Variants in RLF observed in about 807,000 individuals in gnomAD.
The protein encoded by RLF is zinc finger protein Rlf.
A neutral mutation model predicts 162.9 loss-of-function variants in RLF; 7 were observed. The ratio of observed to expected loss-of-function variants is 0.04; its 90% CI spans 0.02 to 0.08. The LOEUF is 0.08. RLF is among the 10% of genes least tolerant of loss of function. The probability of loss-of-function intolerance (pLI) is 1.00; values close to 1 mark genes in which losing one functional copy is unlikely to be tolerated. For missense variants in RLF, 1,664 were observed against 2,244.7 expected (o/e 0.74, Z 5.23); for synonymous variants, 782 against 791.5 (o/e 0.99, Z 0.20).
At chr1:40,172,582 C>G (rs1334773146) in intron 1 of RLF, among the ~76,000 whole-genome samples, 3 of 152,062 alleles carry the variant, frequency 2.0e-5, no homozygotes, top group African/African-American at 7.2e-5. Flanking sequence ...GTCAGGAGTT[C>G]GAGACCAGCC....
chr1:40,222,508 T>C (rs1238220816), intron 5 of RLF, 66 bp from the exon 6 acceptor site: 1 of 1,542,426 alleles, frequency 6.5e-7, no homozygotes, highest in East Asian at 2.3e-5. Context: ...AAGTTTCACC[T>C]TATATAACAA....
chr1:40,207,847 G>A (rs2124545839), intron 5 of RLF, among the ~76,000 whole-genome samples: 1 of 152,248 alleles, frequency 6.6e-6, no homozygotes, highest in Non-Finnish European at 1.5e-5. Context: ...CTGACCTCAA[G>A]CAATCTGCCT....
chr1:40,189,642 T>A (rs1260855931), intron 2 of RLF, among the ~76,000 whole-genome samples: 1 of 152,060 alleles, frequency 6.6e-6, no homozygotes, highest in African/African-American at 2.4e-5. Flanking sequence ...AAGAAAGAGA[T>A]CATGATTTAG....
At chr1:40,181,062 A>G (rs886067367) in intron 1 of RLF, among the ~76,000 whole-genome samples, 1 of 152,182 alleles carries the variant, frequency 6.6e-6, no homozygotes, top group African/African-American at 2.4e-5. Context: ...TGGTTTATGT[A>G]TATGGTGTAA....
intron 5 of RLF, among the ~76,000 whole-genome samples, chr1:40,220,643 A>T (rs1009582686): frequency 6.6e-6 from 1 of 152,210 alleles, no homozygotes; most frequent in Non-Finnish European, 1.5e-5. Context: ...ATTGGCTTGC[A>T]TCTCCAGTAC....
rs544829143 is a variant in RLF, at chr1:40,235,845, A to G, written c.1143A>G (p.Gln381=). 25 of 1,613,830 alleles carry G rather than the reference A, an allele frequency of 1.5e-5. No individual in the cohort carries two copies. In the South Asian group the frequency reaches 1.9e-4, roughly 12 times the overall value. Residue 381 remains glutamine, a synonymous_variant, in exon 8 of 8, where the codon CAA becomes CAG. Transcript: ENST00000372771. The part of the protein sequence containing the change: ...VSILLCVRAL[Q]LRSSEDEEMK... Reference sequence around the variant, plus strand: ...TTTTACTGTGTGTCAGAGCTCTTCAACTCAGATCAAGTGAAGATGAGGAAA... The same window carrying G: ...TTTTACTGTGTGTCAGAGCTCTTCAGCTCAGATCAAGTGAAGATGAGGAAA...
At chr1:40,200,867 TACACACACACACACACAC>T (rs71060356) in intron 4 of RLF, among the ~76,000 whole-genome samples, 625 of 34,832 alleles carry the variant, frequency 0.018, 6 homozygotes, top group African/African-American at 0.024. Flanking sequence ...ATTGCTACTC[TACACACACACACACACAC>T]ACACACACAC....
chr1:40,177,399 C>G (rs1246679523), intron 1 of RLF, among the ~76,000 whole-genome samples: 1 of 151,664 alleles, frequency 6.6e-6, no homozygotes, highest in Non-Finnish European at 1.5e-5. Flanking sequence ...ACACCATTCT[C>G]CTGCCTCAGC....
intron 1 of RLF, among the ~76,000 whole-genome samples, chr1:40,179,586 C>G (rs1258849686): frequency 6.7e-6 from 1 of 149,380 alleles, no homozygotes; most frequent in African/African-American, 2.5e-5. Flanking sequence ...GTAAAGTATA[C>G]GTAACATAGA....
At chr1:40,167,893 T>C (rs1642188086) in intron 1 of RLF, among the ~76,000 whole-genome samples, 1 of 151,728 alleles carries the variant, frequency 6.6e-6, no homozygotes. Context: ...TTGAGAGTAA[T>C]AAGCAAGTCT....
At chr1:40,196,544 A>T (rs915410657) in intron 4 of RLF, among the ~76,000 whole-genome samples, 16 of 152,158 alleles carry the variant, frequency 1.1e-4, no homozygotes, top group African/African-American at 3.9e-4. Context: ...TTACTCTGCT[A>T]CCCAGGCTGG....
At chr1:40,169,018 CATAA>C (rs914842074) in intron 1 of RLF, among the ~76,000 whole-genome samples, 107 of 152,152 alleles carry the variant, frequency 7.0e-4, no homozygotes, top group African/African-American at 2.5e-3. Context: ...TATGTTTTAA[CATAA>C]ATAAACATTT....
At chr1:40,221,895 G>C (rs1198545940) in intron 5 of RLF, among the ~76,000 whole-genome samples, 1 of 63,748 alleles carries the variant, frequency 1.6e-5, no homozygotes, top group East Asian at 2.8e-4. Context: ...GCGAGACTCC[G>C]TCTCAAAAAA....
At chr1:40,210,793 G>A (rs1021769127) in intron 5 of RLF, among the ~76,000 whole-genome samples, 1 of 152,212 alleles carries the variant, frequency 6.6e-6, no homozygotes, top group African/African-American at 2.4e-5. Flanking sequence ...TGGAAGAATA[G>A]TGGTGCTCTG....
intron 5 of RLF, among the ~76,000 whole-genome samples, chr1:40,221,443 T>C (rs2124553199): frequency 6.6e-6 from 1 of 152,028 alleles, no homozygotes; most frequent in East Asian, 1.9e-4. Flanking sequence ...ACCTCAGAAG[T>C]TAGGAAAGGA....
chr1:40,240,055 G>A lies in RLF; in HGVS notation c.5353G>A (p.Asp1785Asn), dbSNP rs562080217. 6.2e-7 allele frequency: 1 copy of A among 1,614,104 alleles called. No homozygotes were observed. The highest frequency in any genetic ancestry group is 2.2e-5 in the East Asian group (1 of 44,876). The change falls in exon 8 of 8, where the codon GAT (aspartate) becomes AAT (asparagine). Residue 1785 changes from aspartate to asparagine, a missense_variant. Physicochemically the swap from Asp to Asn is conservative, Grantham distance 23 (BLOSUM62 1). Around this residue, in one of 15 missense-constraint regions of RLF, gnomAD observed 327 missense variants for 342.7 expected, o/e 0.95. Transcript: ENST00000372771. ...TATTCAGGAAAGTGAAGAGAAAGAA[G>A]ATGATTTTGATGATTGGGAGCCTTC... ...KFIQESEEKE[D>N]DFDDWEPSEH...
chr1:40,229,128 G>A (rs892173476), intron 6 of RLF, among the ~76,000 whole-genome samples: 5 of 152,140 alleles, frequency 3.3e-5, no homozygotes, highest in Admixed American at 6.6e-5. Context: ...CTCATTTATC[G>A]TTATAATCAG....
At chr1:40,190,533 C>T (rs558338282) in intron 2 of RLF, among the ~76,000 whole-genome samples, 1 of 152,230 alleles carries the variant, frequency 6.6e-6, no homozygotes, top group African/African-American at 2.4e-5. Context: ...TTCTAAAGAG[C>T]TTATTATATT....
intron 5 of RLF, among the ~76,000 whole-genome samples, chr1:40,205,692 C>T (rs567413178): frequency 1.9e-4 from 29 of 152,108 alleles, no homozygotes; most frequent in African/African-American, 4.6e-4. Context: ...GGGGTTTCAC[C>T]GTGTCAGCCA....
Sources: allele counts gnomAD v4.1 joint callset (sites outside exome capture counted in the v4.1 genomes callset), GRCh38; gene constraint gnomAD v4.1.1; regional missense constraint gnomAD v4.1.1; transcripts MANE v1.5; gene names NCBI Gene and HGNC (gene_info 2026-07-23, HGNC 2026-07-21).